The following IL13RA1 variants were observed in gnomAD, a reference collection of about 807,000 sequenced individuals.
IL13RA1 encodes the protein interleukin 13 receptor subunit alpha 1, also known as interleukin-13 receptor subunit alpha-1.
Under a neutral mutation model 33.8 loss-of-function variants are expected in IL13RA1, and 14 were observed. The observed-to-expected ratio is 0.41, with a 90% CI of 0.27 to 0.65. The LOEUF (loss-of-function observed/expected upper bound fraction) is 0.65. IL13RA1 is among the 30% of genes least tolerant of loss of function. The probability of loss-of-function intolerance (pLI) is 0.28; values close to 1 mark genes in which losing one functional copy is unlikely to be tolerated. For synonymous variants in IL13RA1, 116 were observed against 115.7 expected (o/e 1.00, Z -0.02); for missense variants, 313 against 327.0 (o/e 0.96, Z 0.33).
chrX:118,784,024 C>T (rs1286437345), intron 10 of IL13RA1, among the ~76,000 whole-genome samples: 14 of 90,753 alleles, frequency 1.5e-4, no homozygotes, highest in African/African-American at 5.9e-4. Context: ...TGTAATGAGC[C>T]GAGATTGAGC....
At chrX:118,802,704 C>G in the IL13RA1 span, among the ~76,000 whole-genome samples, 1 of 112,050 alleles carries the variant, frequency 8.9e-6, no homozygotes, top group African/African-American at 3.2e-5. Context: ...AAACAAGCAG[C>G]TGACCTAAGA....
At chrX:118,748,005 TTGTGTGTGTGTG>T (rs61230421) in intron 3 of IL13RA1, among the ~76,000 whole-genome samples, 2 of 88,877 alleles carry the variant, frequency 2.3e-5, no homozygotes, top group African/African-American at 4.2e-5. Flanking sequence ...AGAGTGAATG[TTGTGTGTGTGTG>T]TGTGTGTGTG....
intron 1 of IL13RA1, among the ~76,000 whole-genome samples, chrX:118,731,308 G>A (rs2017215134): frequency 8.9e-6 from 1 of 112,093 alleles, no homozygotes; most frequent in African/African-American, 3.2e-5. Context: ...CAGGCACAGT[G>A]GTTCACACCT....
At chrX:118,740,744 C>T (rs746293157) in intron 1 of IL13RA1, among the ~76,000 whole-genome samples, 2 of 112,337 alleles carry the variant, frequency 1.8e-5, no homozygotes, top group South Asian at 3.7e-4. Context: ...GATCGTGCCA[C>T]TGCACTCCAG....
chrX:118,770,345 C>T lies in IL13RA1; in HGVS notation c.1009+3369C>T, dbSNP rs1209600749. On this transcript the variant is annotated intron_variant, in intron 8 of 10. Coordinates refer to ENST00000371666, the MANE Select transcript of IL13RA1 (RefSeq NM_001560.3). The stretch of plus-strand genomic sequence containing the variant: ...CGGCGAGCCCTACGTGGAGGTGCCG[C>T]GCTACCGCACTGCACCTGCATCACC... 6.1e-5 allele frequency: 22 copies of T among 359,713 alleles called. No individual in the cohort carries two copies. Among genetic ancestry groups the T allele is most frequent in the Admixed American group, 1.2e-4 (4 of 33,138 alleles). The allele number at this position is 359,713 out of a possible 1,213,427, so 29.6% of individuals were successfully genotyped here. A position where few individuals can be genotyped will look rare whatever the true frequency, so the allele number is the denominator to read the frequency against.
intron 10 of IL13RA1, among the ~76,000 whole-genome samples, chrX:118,789,608 G>A (rs760772689): frequency 9.0e-6 from 1 of 111,452 alleles, no homozygotes; most frequent in East Asian, 2.8e-4. Flanking sequence ...TTACGTATTA[G>A]ATATTAACCC....
chrX:118,749,615 A>T (rs1312992090), intron 3 of IL13RA1, 43 bp from the exon 4 acceptor site: 1 of 1,176,091 alleles, frequency 8.5e-7, no homozygotes, highest in East Asian at 3.0e-5. Flanking sequence ...ACTTTGCATT[A>T]CAAGGAAAGA....
At position 118,752,873 on chromosome X, in the gene IL13RA1, G is replaced by T. The variant is rs555556268; in HGVS notation, c.488+3095G>T. On this transcript the variant is annotated intron_variant, in intron 4 of 10. Coordinates refer to ENST00000371666, the MANE Select transcript of IL13RA1 (RefSeq NM_001560.3). ...CTCCCTAAAGAATTGCTAAGAAGGG[G>T]CCAAAGAACTAAGCCTTACTAAGAA... 1.6e-3 allele frequency among the ~76,000 whole-genome samples: 181 copies of T among 112,198 alleles called. 5 individuals carry two copies. In the South Asian group the frequency reaches 0.034, roughly 21 times the overall value.
chrX:118,774,133 G>A (rs551770930), intron 9 of IL13RA1, among the ~76,000 whole-genome samples, 158 bp downstream of exon 9: 9 of 108,078 alleles, frequency 8.3e-5, no homozygotes, highest in African/African-American at 3.0e-4. Flanking sequence ...GTATTACCAC[G>A]CCCACTTTCT....
At position 118,758,172 on chromosome X, in the gene IL13RA1, C is replaced by T. The variant is rs1301030943; in HGVS notation, c.606C>T (p.Val202=). 8.8e-7 allele frequency: 1 copy of T among 1,138,588 alleles called. No homozygotes were observed. The highest frequency in any genetic ancestry group is 2.2e-5 in the Admixed American group (1 of 45,695). The allele number at this position is 1,138,588 out of a possible 1,213,427, so 93.8% of individuals were successfully genotyped here. A position where few individuals can be genotyped will look rare whatever the true frequency, so the allele number is the denominator to read the frequency against. The change falls in exon 5 of 11, where the codon GTC becomes GTT. Residue 202 remains valine, a synonymous_variant. Coordinates refer to ENST00000371666, the MANE Select transcript of IL13RA1 (RefSeq NM_001560.3). ...VKDSSFEQHS[V]QIMVKDNAGK... ...ATTCCAGTTTTGAACAACACAGTGT[C>T]CAAATAATGGTCAAGGATAATGCAG...
In IL13RA1 at chrX:118,727,745, G is replaced by A. The variant is rs2017169920; in HGVS notation, c.88+19G>A. 5.3e-6 allele frequency: 4 copies of A among 756,105 alleles called. No homozygotes were observed. Among genetic ancestry groups the A allele is most frequent in the South Asian group, 1.5e-4 (2 of 13,444 alleles). The allele number at this position is 756,105 out of a possible 1,213,427, so 62.3% of individuals were successfully genotyped here. The stretch of plus-strand genomic sequence containing the variant: ...CCTACGGGTGAGTGCGACCCTCGGG[G>A]CCCGAGGGGCGGCCGGAGGGCTGAG... On this transcript the variant is annotated intron_variant, in intron 1 of 10. Transcript: ENST00000371666.
chrX:118,800,962 A>AT, the IL13RA1 span, among the ~76,000 whole-genome samples: 1 of 110,187 alleles, frequency 9.1e-6, no homozygotes, highest in Non-Finnish European at 1.9e-5. Context: ...GTTAATTTTT[A>AT]TTTTTTTGTA....
intron 9 of IL13RA1, among the ~76,000 whole-genome samples, 177 bp downstream of exon 9, chrX:118,774,152 CTTTTTTT>C (rs749517738): frequency 1.0e-5 from 1 of 95,363 alleles, no homozygotes; most frequent in Non-Finnish European, 2.1e-5. Flanking sequence ...CTTTTCTTTT[CTTTTTTT>C]TTTTTTTTTC....
downstream of IL13RA1, among the ~76,000 whole-genome samples, chrX:118,797,783 C>T (rs1190929975): frequency 1.8e-5 from 2 of 111,770 alleles, no homozygotes; most frequent in Non-Finnish European, 3.8e-5. Flanking sequence ...AGTGCTGTTG[C>T]TGGCTTGAGG....
At chrX:118,749,999 A>G (rs894661232) in intron 4 of IL13RA1, among the ~76,000 whole-genome samples, 3 of 112,144 alleles carry the variant, frequency 2.7e-5, no homozygotes, top group Non-Finnish European at 3.8e-5. Flanking sequence ...GAAAAAATGT[A>G]CAGAGAGATC....
intron 2 of IL13RA1, among the ~76,000 whole-genome samples, chrX:118,743,285 A>G (rs1008274352): frequency 1.8e-5 from 2 of 112,135 alleles, no homozygotes; most frequent in African/African-American, 6.5e-5. Flanking sequence ...AAGCAATGGC[A>G]TTATGATAGT....
chrX:118,735,767 C>T (rs1251863091), intron 1 of IL13RA1, among the ~76,000 whole-genome samples: 3 of 111,761 alleles, frequency 2.7e-5, no homozygotes, highest in South Asian at 7.5e-4. Flanking sequence ...AGGCTTGTTT[C>T]GAACTCCTGG....
chrX:118,764,838 A>T (rs1013002100), intron 6 of IL13RA1, among the ~76,000 whole-genome samples: 2 of 111,748 alleles, frequency 1.8e-5, no homozygotes, highest in Admixed American at 9.5e-5. Context: ...TATACTCTCA[A>T]CAAGGGACAC....
chrX:118,775,305 C>T (rs765963995), intron 9 of IL13RA1, among the ~76,000 whole-genome samples: 1 of 110,852 alleles, frequency 9.0e-6, no homozygotes, highest in Non-Finnish European at 1.9e-5. Context: ...AGAGTGGCAG[C>T]GAGGGAGGAC....
Sources: allele counts gnomAD v4.1 joint callset (sites outside exome capture counted in the v4.1 genomes callset), GRCh38; gene constraint gnomAD v4.1.1; transcripts MANE v1.5; gene names NCBI Gene and HGNC (gene_info 2026-07-23, HGNC 2026-07-21).